OR7E24: variants seen among roughly 807,000 people sequenced by gnomAD.
OR7E24 encodes the protein olfactory receptor family 7 subfamily E member 24, also known as olfactory receptor 7E24.
For missense variants in OR7E24, 385 were observed against 410.3 expected (o/e 0.94, Z 0.53); for synonymous variants, 130 against 157.5 (o/e 0.83, Z 1.31).
the OR7E24 span, chr19:9,209,100 G>C: frequency 6.6e-6 from 1 of 152,164 alleles, no homozygotes; most frequent in Non-Finnish European, 1.5e-5. Flanking sequence ...TTAATACCTT[G>C]TGATGGGAAA....
the OR7E24 span, chr19:9,208,614 A>G: frequency 6.6e-6 from 1 of 151,734 alleles, no homozygotes; most frequent in South Asian, 2.1e-4. Flanking sequence ...AGTCCATGTC[A>G]CCAGCAAACA....
chr19:9,235,121 T>C, the OR7E24 span: 1 of 842,604 alleles, frequency 1.2e-6, no homozygotes, highest in Non-Finnish European at 1.9e-6. Flanking sequence ...TTTTCCTCCT[T>C]CCCCAGTAGA....
the OR7E24 span, among the ~76,000 whole-genome samples, chr19:9,227,908 T>C: frequency 1.3e-5 from 2 of 150,842 alleles, no homozygotes; most frequent in South Asian, 2.1e-4. Flanking sequence ...CGCCCGCCAC[T>C]ACGCCCGGCT....
the OR7E24 span, among the ~76,000 whole-genome samples, chr19:9,224,134 G>A: frequency 6.6e-6 from 1 of 152,014 alleles, no homozygotes; most frequent in African/African-American, 2.4e-5. Context: ...ACAGGTGTGA[G>A]CCACTGCACC....
At chr19:9,221,488 T>C in the OR7E24 span, among the ~76,000 whole-genome samples, 520 of 149,342 alleles carry the variant, frequency 3.5e-3, no homozygotes, top group Non-Finnish European at 5.5e-3. Flanking sequence ...GTAGCTGGGA[T>C]TACAGGCGCC....
chr19:9,208,642 C>T, the OR7E24 span: 2 of 150,554 alleles, frequency 1.3e-5, no homozygotes, highest in African/African-American at 4.9e-5. Flanking sequence ...TCCTTTATTT[C>T]ACATAAATGA....
At chr19:9,206,848 C>T in the OR7E24 span, 2 of 152,170 alleles carry the variant, frequency 1.3e-5, no homozygotes, top group East Asian at 1.9e-4. Context: ...AACTTGTTCA[C>T]GAGCCCTCAA....
the OR7E24 span, chr19:9,211,729 AGC>A: frequency 7.0e-6 from 1 of 143,856 alleles, no homozygotes; most frequent in East Asian, 2.2e-4. Flanking sequence ...CTGTAATCCC[AGC>A]GCCACTGTGC....
At chr19:9,236,075 G>T in the OR7E24 span, 11 of 1,478,792 alleles carry the variant, frequency 7.4e-6, no homozygotes, top group African/African-American at 1.4e-5. Flanking sequence ...GCAGCCTCTT[G>T]TCTCTTACGG....
In OR7E24 at chr19:9,251,984, A is replaced by G. The variant is rs780002195; in HGVS notation, c.941A>G (p.Asp314Gly). ...TTCATCTACAGCCTGAGGAACAAGG[A>G]CATTCAAAGTGCCCTGTGCAGGCTG... is the stretch of plus-strand genomic sequence containing the variant. ...NPFIYSLRNK[D>G]IQSALCRLHG... The change falls in exon 1 of 1, where the codon GAC (aspartate) becomes GGC (glycine). Residue 314 changes from aspartate (D) to glycine (G), a missense_variant. Coordinates refer to ENST00000456448, the MANE Select transcript of OR7E24 (RefSeq NM_001079935.2). 1.2e-6 allele frequency: 2 copies of G among 1,614,040 alleles called. No individual in the cohort carries two copies. Among genetic ancestry groups the G allele is most frequent in the African/African-American group, 2.7e-5 (2 of 74,920 alleles).
the OR7E24 span, among the ~76,000 whole-genome samples, chr19:9,232,118 A>C: frequency 6.6e-6 from 1 of 152,154 alleles, no homozygotes. Flanking sequence ...GCAGACATAG[A>C]AAAGCGGGCT....
chr19:9,232,791 G>T, the OR7E24 span, among the ~76,000 whole-genome samples: 1,834 of 152,144 alleles, frequency 0.012, 45 homozygotes, highest in African/African-American at 0.042. Context: ...TTTCCTTGGC[G>T]TGAGGCAGCG....
At chr19:9,218,110 A>G in the OR7E24 span, among the ~76,000 whole-genome samples, 1 of 152,214 alleles carries the variant, frequency 6.6e-6, no homozygotes, top group East Asian at 1.9e-4. Flanking sequence ...ATCATTTAAC[A>G]AGGATTTACG....
chr19:9,236,240 C>T, the OR7E24 span: 58 of 562,986 alleles, frequency 1.0e-4, 2 homozygotes, highest in African/African-American at 9.0e-4. Flanking sequence ...TGGCCGGGCA[C>T]GGTGGCTTAC....
upstream of OR7E24, chr19:9,247,536 T>G (rs544451361): frequency 5.1e-4 from 204 of 398,638 alleles, 1 homozygote; most frequent in African/African-American, 3.6e-3. Flanking sequence ...TGAGGGACGG[T>G]TGGGAGCCTT....
At chr19:9,227,964 G>A in the OR7E24 span, among the ~76,000 whole-genome samples, 1 of 150,374 alleles carries the variant, frequency 6.7e-6, no homozygotes, top group Non-Finnish European at 1.5e-5. Flanking sequence ...CGTTTTAGCC[G>A]GGATGGTCTC....
chr19:9,243,034 T>A (rs368043085), upstream of OR7E24, among the ~76,000 whole-genome samples: 2 of 152,160 alleles, frequency 1.3e-5, no homozygotes, highest in Non-Finnish European at 2.9e-5. Flanking sequence ...ATAGAAAAGA[T>A]TTGTTCTCTC....
the OR7E24 span, among the ~76,000 whole-genome samples, chr19:9,239,707 C>CTTTTTTTTTTTTTTTTTT: frequency 3.3e-5 from 4 of 123,024 alleles, no homozygotes; most frequent in African/African-American, 6.5e-5. Flanking sequence ...TTTTCTTTTT[C>CTTTTTTTTTTTTTTTTTT]TTTTTTTTTT....
At chr19:9,220,084 G>A in the OR7E24 span, among the ~76,000 whole-genome samples, 1,971 of 151,874 alleles carry the variant, frequency 0.013, 23 homozygotes, top group African/African-American at 0.032. Flanking sequence ...AGAATTATAT[G>A]TATGTATCAT....
Sources: gnomAD v4.1 joint callset for allele counts (sites outside exome capture counted in the v4.1 genomes callset) on GRCh38, gnomAD v4.1.1 for gene constraint, MANE v1.5 for transcripts, NCBI Gene and HGNC (gene_info 2026-07-23, HGNC 2026-07-21) for gene names.